The following ATP6V0A1 variants were observed in gnomAD, a reference collection of about 807,000 sequenced individuals.
The protein encoded by ATP6V0A1 is V-type proton ATPase 116 kDa subunit a 1.
ATP6V0A1 carries 43 observed loss-of-function variants against 105.4 expected under a neutral mutation model. That is an observed-to-expected ratio of 0.41 (90% confidence interval 0.32 to 0.53). The LOEUF (loss-of-function observed/expected upper bound fraction) is 0.53. Among genes scored for constraint, ATP6V0A1 ranks in the 20% least tolerant of loss-of-function variants. The probability of loss-of-function intolerance (pLI) is 0.30; values close to 1 mark genes in which losing one functional copy is unlikely to be tolerated. For missense variants in ATP6V0A1, 676 were observed against 1,051.1 expected, an observed-to-expected ratio of 0.64 and a Z score of 4.93; for synonymous variants, 362 against 372.8, an observed-to-expected ratio of 0.97 and a Z score of 0.33.
intron 10 of ATP6V0A1, among the ~76,000 whole-genome samples, chr17:42,489,005 ACT>A (rs77671809): frequency 0.86 from 118,287 of 137,388 alleles, 51,618 homozygotes; most frequent in Non-Finnish European, 0.93. Flanking sequence ...GCAGAGTGAG[ACT>A]CTGTCTCAAA....
At chr17:42,471,442 T>C (rs1255363263) in intron 5 of ATP6V0A1, 1 of 136,434 alleles carries the variant, frequency 7.3e-6, no homozygotes, top group Non-Finnish European at 1.6e-5. Context: ...AAAAAAAATG[T>C]AGGTGACTTG....
intron 3 of ATP6V0A1, among the ~76,000 whole-genome samples, chr17:42,467,159 AG>A (rs2087194762): frequency 7.1e-6 from 1 of 140,488 alleles, no homozygotes; most frequent in Admixed American, 7.2e-5. Context: ...AAAAAAAAAA[AG>A]GGAGGAAACT....
At chr17:42,506,322 TG>T (rs1005587846) in intron 17 of ATP6V0A1, among the ~76,000 whole-genome samples, 2 of 152,240 alleles carry the variant, frequency 1.3e-5, no homozygotes, top group African/African-American at 4.8e-5. Flanking sequence ...ATGCAGCTTT[TG>T]GGGTAATTCT....
At chr17:42,477,559 T>C (rs1302951696) in intron 5 of ATP6V0A1, 101 bp from the exon 6 acceptor site, 4 of 1,216,586 alleles carry the variant, frequency 3.3e-6, no homozygotes, top group Non-Finnish European at 4.7e-6. Flanking sequence ...ATCCTTATTT[T>C]CTGAACCTGT....
At chr17:42,499,185 G>A (rs117760530) in intron 15 of ATP6V0A1, 143 bp downstream of exon 15, 10,749 of 670,610 alleles carry the variant, frequency 0.016, 104 homozygotes, top group Non-Finnish European at 0.023. Context: ...AAATTTAATG[G>A]TGTGGCCAGG....
intron 4 of ATP6V0A1, among the ~76,000 whole-genome samples, chr17:42,469,304 A>G (rs1253251427): frequency 2.0e-5 from 3 of 150,998 alleles, no homozygotes; most frequent in African/African-American, 7.3e-5. Flanking sequence ...GACTTCTACA[A>G]TGACTTAGAA....
intron 3 of ATP6V0A1, 129 bp downstream of exon 3, chr17:42,466,636 C>T: frequency 2.6e-6 from 2 of 756,726 alleles, no homozygotes; most frequent in Non-Finnish European, 4.2e-6. Context: ...AGTTAAGATG[C>T]CAAGGTGTAT....
At chr17:42,485,285 G>A (rs1011200867) in intron 9 of ATP6V0A1, among the ~76,000 whole-genome samples, 51 of 152,114 alleles carry the variant, frequency 3.4e-4, no homozygotes, top group African/African-American at 2.4e-5. Flanking sequence ...TGAGTGATAG[G>A]CTATATTAGT....
chr17:42,495,883 G>T, intron 14 of ATP6V0A1, 167 bp downstream of exon 14: 1 of 581,138 alleles, frequency 1.7e-6, no homozygotes. Flanking sequence ...ATCACCTGAG[G>T]TCAGCATGGT....
chr17:42,493,780 C>T (rs565330582), intron 11 of ATP6V0A1, among the ~76,000 whole-genome samples: 5 of 152,250 alleles, frequency 3.3e-5, no homozygotes, highest in African/African-American at 9.6e-5. Context: ...AACCACTGCA[C>T]TCCAGCCTGG....
chr17:42,490,543 T>TC lies in ATP6V0A1; in HGVS notation c.1085dup (p.Thr363AsnfsTer3). The TC allele has an allele frequency of 6.2e-7, 1 of 1,613,454 alleles. No individual in the cohort carries two copies. Among genetic ancestry groups the TC allele is most frequent in the East Asian group, 2.2e-5 (1 of 44,820 alleles). On this transcript the variant is annotated frameshift_variant, in exon 11 of 22. Transcript: ENST00000343619. LOFTEE classifies it high-confidence loss of function. The stretch of plus-strand genomic sequence containing the variant: ...TGAACAGGATGCAGACAAACCAGAC[T>TC]CCCCCAACCTATAACAAAACCAACA...
chr17:42,520,520 TC>T, intron 21 of ATP6V0A1: 1 of 456,574 alleles, frequency 2.2e-6, no homozygotes, highest in South Asian at 1.5e-5. Context: ...CCCTCCTAAC[TC>T]CCCCTCTTTC....
At chr17:42,485,365 T>C (rs2089998784) in intron 9 of ATP6V0A1, among the ~76,000 whole-genome samples, 1 of 152,192 alleles carries the variant, frequency 6.6e-6, no homozygotes, top group Non-Finnish European at 1.5e-5. Context: ...GCATATGTGG[T>C]AGTCATTATA....
Position 42,495,023 on chromosome 17 carries a change from C to T in ATP6V0A1, c.1315-11C>T. ...AGTACATTCTCATTACTTCTTTCTT[C>T]TGGTTCCCAGATGTTTAGCACTGTG... On this transcript the variant is annotated splice_polypyrimidine_tract_variant and intron_variant, in intron 12 of 21. Transcript: ENST00000343619. The T allele has an allele frequency of 6.2e-7, 1 of 1,611,766 alleles. No individual in the cohort carries two copies. The highest frequency in any genetic ancestry group is 8.5e-7 in the Non-Finnish European group (1 of 1,178,076).
chr17:42,475,180 A>G (rs1474424443), intron 5 of ATP6V0A1, among the ~76,000 whole-genome samples: 2 of 152,238 alleles, frequency 1.3e-5, no homozygotes, highest in African/African-American at 4.8e-5. Context: ...TGAATACCTT[A>G]AGTAATGAAA....
intron 11 of ATP6V0A1, among the ~76,000 whole-genome samples, chr17:42,493,065 C>T (rs1237627267): frequency 1.3e-5 from 2 of 152,152 alleles, no homozygotes; most frequent in Non-Finnish European, 2.9e-5. Flanking sequence ...CCTCACAGCC[C>T]TAAAACACCT....
intron 10 of ATP6V0A1, among the ~76,000 whole-genome samples, chr17:42,488,263 G>C (rs1339115944): frequency 6.6e-6 from 1 of 152,210 alleles, no homozygotes; most frequent in Non-Finnish European, 1.5e-5. Context: ...AGTATGGTTA[G>C]ACCATGTATG....
At chr17:42,483,487 A>G (rs1258888457) in intron 9 of ATP6V0A1, among the ~76,000 whole-genome samples, 1 of 151,920 alleles carries the variant, frequency 6.6e-6, no homozygotes, top group Non-Finnish European at 1.5e-5. Flanking sequence ...AGCTCACTGC[A>G]ACCTCCGCCT....
At chr17:42,483,436 C>G (rs2089768484) in intron 9 of ATP6V0A1, among the ~76,000 whole-genome samples, 1 of 150,846 alleles carries the variant, frequency 6.6e-6, no homozygotes. Context: ...GAGACAGAGT[C>G]TCACTCTGTC....
Sources: gnomAD v4.1 joint callset for allele counts (sites outside exome capture counted in the v4.1 genomes callset) on GRCh38, gnomAD v4.1.1 for gene constraint, MANE v1.5 for transcripts, NCBI Gene and HGNC (gene_info 2026-07-23, HGNC 2026-07-21) for gene names.